The following HECW1 variants were observed in gnomAD, a reference collection of about 807,000 sequenced individuals.
The protein encoded by HECW1 is HECT, C2 and WW domain containing E3 ubiquitin protein ligase 1.
A neutral mutation model predicts 182.3 loss-of-function variants in HECW1; 61 were observed. That is an observed-to-expected ratio of 0.33 (90% CI 0.27 to 0.41). HECW1 has a LOEUF of 0.41. HECW1 is among the 10% of genes least tolerant of loss of function. HECW1 has a pLI of 1.00. For missense variants in HECW1, 1,739 were observed against 2,108.9 expected, an observed-to-expected ratio of 0.82 and a Z score of 3.44; for synonymous variants, 859 against 832.6, an observed-to-expected ratio of 1.03 and a Z score of -0.55.
At chr7:43,330,983 A>G (rs1396025979) in intron 5 of HECW1, among the ~76,000 whole-genome samples, 5 of 151,528 alleles carry the variant, frequency 3.3e-5, no homozygotes, top group African/African-American at 7.3e-5. Flanking sequence ...TTATTTATTT[A>G]TTTATTTTAT....
intron 8 of HECW1, among the ~76,000 whole-genome samples, chr7:43,433,878 G>T (rs2076626818): frequency 6.6e-6 from 1 of 152,088 alleles, no homozygotes; most frequent in South Asian, 2.1e-4. Context: ...CAGATCAAAA[G>T]GTAAAGGACA....
chr7:43,306,281 C>T (rs1481027815), intron 3 of HECW1, among the ~76,000 whole-genome samples: 7 of 152,136 alleles, frequency 4.6e-5, no homozygotes, highest in Non-Finnish European at 4.4e-5. Flanking sequence ...CATATTGCTA[C>T]TTCCTGATTT....
At chr7:43,186,796 C>T (rs1793455453) in intron 2 of HECW1, among the ~76,000 whole-genome samples, 1 of 151,938 alleles carries the variant, frequency 6.6e-6, no homozygotes, top group Non-Finnish European at 1.5e-5. Context: ...AGAACAGTAA[C>T]ATGCTGTGCA....
At position 43,340,287 on chromosome 7, in the gene HECW1, C is replaced by A. The variant is rs984016887; in HGVS notation, c.460+19545C>A. 6.5e-5 allele frequency among the ~76,000 whole-genome samples: 9 copies of A among 139,492 alleles called. 1 individual carries two copies. Among genetic ancestry groups the A allele is most frequent in the African/African-American group, 2.5e-4 (9 of 35,442 alleles). 91.5% of individuals were successfully genotyped at this position (139,492 alleles called of 152,430 possible). A position where few individuals can be genotyped will look rare whatever the true frequency, so the allele number is the denominator to read the frequency against. On this transcript the variant is annotated intron_variant, in intron 5 of 29. Coordinates refer to ENST00000395891, the MANE Select transcript of HECW1 (RefSeq NM_015052.5). ...CCAGGCTAGAGTACAGCAGAGCAGT[C>A]TCAGCTCACTGCAACCGCTGCCTCC...
chr7:43,464,869 A>G (rs954956548), intron 14 of HECW1, among the ~76,000 whole-genome samples: 4 of 152,058 alleles, frequency 2.6e-5, no homozygotes, highest in African/African-American at 9.7e-5. Flanking sequence ...TGGTGCGATC[A>G]TAGCTCACTG....
rs1019771820 is a variant in HECW1 at position 43,564,813 on chromosome 7, G to C, written c.*2887G>C. 3.3e-4 allele frequency: 60 copies of C among 182,532 alleles called. No individual in the cohort carries two copies. The highest frequency in any genetic ancestry group is 1.4e-3 in the African/African-American group (58 of 42,640). The allele number at this position is 182,532 out of a possible 1,614,324, so 11.3% of individuals were successfully genotyped here. Reference sequence around the variant, plus strand: ...TAGCTATAGAACTAAATTTCACTTAGGTGGAGGTATAAACCACCTTAAATT... The same window carrying C: ...TAGCTATAGAACTAAATTTCACTTACGTGGAGGTATAAACCACCTTAAATT... On this transcript the variant is annotated 3_prime_UTR_variant, in exon 30 of 30. Coordinates refer to ENST00000395891, the MANE Select transcript of HECW1 (RefSeq NM_015052.5).
At chr7:43,436,163 C>CAAAAAAAAA (rs750081980) in intron 8 of HECW1, among the ~76,000 whole-genome samples, 2 of 67,046 alleles carry the variant, frequency 3.0e-5, no homozygotes, top group Admixed American at 1.8e-4. Flanking sequence ...GACTTTGTCT[C>CAAAAAAAAA]AAAAAAAAAA....
chr7:43,313,774 A>G (rs1808838907), intron 4 of HECW1, among the ~76,000 whole-genome samples: 1 of 152,220 alleles, frequency 6.6e-6, no homozygotes. Context: ...TGAGCCTGTG[A>G]TACCACATGG....
At chr7:43,149,306 A>T (rs917659271) in intron 2 of HECW1, among the ~76,000 whole-genome samples, 6 of 152,234 alleles carry the variant, frequency 3.9e-5, no homozygotes, top group African/African-American at 1.4e-4. Flanking sequence ...TGAGAAAGAC[A>T]CATCACTTCT....
At chr7:43,377,925 T>C in intron 6 of HECW1, 2 of 186,932 alleles carry the variant, frequency 1.1e-5, no homozygotes, top group African/African-American at 2.3e-5. Context: ...AACACAAAGA[T>C]GACTGCATTT....
intron 5 of HECW1, among the ~76,000 whole-genome samples, chr7:43,328,363 T>G (rs1485112117): frequency 6.6e-6 from 1 of 152,118 alleles, no homozygotes; most frequent in African/African-American, 2.4e-5. Flanking sequence ...CAAGGCAACT[T>G]CAGGGAAACA....
At chr7:43,355,485 T>C (rs1026849059) in intron 5 of HECW1, among the ~76,000 whole-genome samples, 1 of 152,136 alleles carries the variant, frequency 6.6e-6, no homozygotes, top group Admixed American at 6.5e-5. Flanking sequence ...AATTTGTTCT[T>C]TGTTTCTATT....
At chr7:43,257,984 T>C (rs1800760146) in intron 3 of HECW1, among the ~76,000 whole-genome samples, 1 of 152,188 alleles carries the variant, frequency 6.6e-6, no homozygotes, top group African/African-American at 2.4e-5. Context: ...GAATCTGATA[T>C]TGTCTTCTCT....
At chr7:43,197,877 A>AC (rs1794615892) in intron 2 of HECW1, among the ~76,000 whole-genome samples, 1 of 152,066 alleles carries the variant, frequency 6.6e-6, no homozygotes, top group Admixed American at 6.5e-5. Context: ...GTTCCCAGTG[A>AC]AGGCGTTGGT....
At chr7:43,135,081 G>A (rs977342167) in intron 2 of HECW1, among the ~76,000 whole-genome samples, 8 of 151,804 alleles carry the variant, frequency 5.3e-5, no homozygotes, top group Admixed American at 1.3e-4. Context: ...ATTTATCTCG[G>A]GGATGTTGTT....
rs927715623 is a variant in HECW1 at position 43,519,523 on chromosome 7, C to T, written c.4019+10402C>T. 3.3e-5 allele frequency among the ~76,000 whole-genome samples: 5 copies of T among 152,120 alleles called. No individual in the cohort carries two copies. The South Asian group carries it at 6.2e-4, about 19-fold the overall frequency. On this transcript the variant is annotated intron_variant, in intron 24 of 29. Transcript: ENST00000395891. ...CCTCCCAAAGTGCTGGGATTACAGGCGTGAGCCACCGCGCCTGGCCTAGTG... is the reference window on the plus strand; with the variant it reads ...CCTCCCAAAGTGCTGGGATTACAGGTGTGAGCCACCGCGCCTGGCCTAGTG...
chr7:43,167,718 A>G (rs915941027), intron 2 of HECW1, among the ~76,000 whole-genome samples: 2 of 152,210 alleles, frequency 1.3e-5, no homozygotes, highest in African/African-American at 4.8e-5. Context: ...CCATGTAGGT[A>G]TCTTCTAGCA....
chr7:43,516,632 A>G (rs1049617166), intron 24 of HECW1, among the ~76,000 whole-genome samples: 2 of 152,208 alleles, frequency 1.3e-5, no homozygotes, highest in African/African-American at 4.8e-5. Flanking sequence ...CTCTATTCCT[A>G]GGAAGAATAC....
At chr7:43,520,920 T>C (rs1487100847) in intron 24 of HECW1, among the ~76,000 whole-genome samples, 1 of 152,204 alleles carries the variant, frequency 6.6e-6, no homozygotes, top group Non-Finnish European at 1.5e-5. Context: ...CAACATCTTA[T>C]TGTTCAGGTT....
Sources: allele counts gnomAD v4.1 joint callset (sites outside exome capture counted in the v4.1 genomes callset), GRCh38; gene constraint gnomAD v4.1.1; transcripts MANE v1.5; gene names NCBI Gene and HGNC (gene_info 2026-07-23, HGNC 2026-07-21).